DOK6: variants seen among roughly 807,000 people sequenced by gnomAD.
The protein encoded by DOK6 is docking protein 6.
Under a neutral mutation model 44.0 loss-of-function variants are expected in DOK6, and 22 were observed. That is an observed-to-expected ratio of 0.50 (90% CI 0.36 to 0.71). The LOEUF (loss-of-function observed/expected upper bound fraction) is 0.71. DOK6 is among the 30% of genes least tolerant of loss of function. The pLI is 0.00. For missense variants in DOK6, 340 were observed against 416.4 expected (o/e 0.82, Z 1.60); for synonymous variants, 166 against 145.5 (o/e 1.14, Z -1.01).
chr18:69,417,298 A>T (rs1978366294), intron 1 of DOK6, among the ~76,000 whole-genome samples: 1 of 152,070 alleles, frequency 6.6e-6, no homozygotes, highest in African/African-American at 2.4e-5. Context: ...TAGCTCCCAC[A>T]TATTGTGAGA....
intron 1 of DOK6, among the ~76,000 whole-genome samples, chr18:69,434,176 A>G (rs1250975206): frequency 6.6e-6 from 1 of 152,190 alleles, no homozygotes; most frequent in Non-Finnish European, 1.5e-5. Context: ...CAAGGCTGAC[A>G]GTCAGAGTGA....
intron 3 of DOK6, among the ~76,000 whole-genome samples, chr18:69,637,576 T>G (rs1179514820): frequency 2.0e-5 from 3 of 152,204 alleles, no homozygotes; most frequent in Non-Finnish European, 4.4e-5. Flanking sequence ...GGTACATTAG[T>G]GTTCAAAGAA....
intron 3 of DOK6, among the ~76,000 whole-genome samples, chr18:69,599,838 C>T (rs1455761777): frequency 2.0e-5 from 3 of 152,152 alleles, no homozygotes; most frequent in African/African-American, 7.2e-5. Flanking sequence ...TTTTGTAGGG[C>T]AGGAATCAGG....
intron 7 of DOK6, among the ~76,000 whole-genome samples, chr18:69,785,747 T>C (rs747588177): frequency 3.9e-5 from 6 of 152,184 alleles, no homozygotes; most frequent in Non-Finnish European, 8.8e-5. Context: ...TGACATTACG[T>C]TGTCCATTAT....
chr18:69,758,638 G>C (rs1979440017), intron 7 of DOK6, among the ~76,000 whole-genome samples: 1 of 152,098 alleles, frequency 6.6e-6, no homozygotes, highest in Admixed American at 6.5e-5. Context: ...GAGGAAGCAA[G>C]AAACTAGAAA....
intron 1 of DOK6, among the ~76,000 whole-genome samples, chr18:69,486,275 C>A (rs1367502014): frequency 1.3e-5 from 2 of 151,908 alleles, no homozygotes; most frequent in African/African-American, 4.8e-5. Context: ...ATAAACTGAT[C>A]AAGCTGTTGA....
At chr18:69,637,901 C>G (rs1984846059) in intron 3 of DOK6, among the ~76,000 whole-genome samples, 1 of 151,356 alleles carries the variant, frequency 6.6e-6, no homozygotes, top group Admixed American at 6.6e-5. Context: ...TTAATGACTT[C>G]TTATTTCTAT....
intron 1 of DOK6, among the ~76,000 whole-genome samples, chr18:69,434,174 ACAGT>A (rs1039390883): frequency 1.4e-4 from 21 of 152,202 alleles, no homozygotes; most frequent in Admixed American, 5.2e-4. Flanking sequence ...AGCAAGGCTG[ACAGT>A]CAGAGTGATG....
chr18:69,623,795 G>C (rs1252192001), intron 3 of DOK6, among the ~76,000 whole-genome samples: 1 of 152,150 alleles, frequency 6.6e-6, no homozygotes, highest in Non-Finnish European at 1.5e-5. Context: ...ATGAAACAAA[G>C]ACACAGAAAG....
intron 1 of DOK6, among the ~76,000 whole-genome samples, chr18:69,430,184 T>A (rs1394850037): frequency 6.6e-6 from 1 of 152,196 alleles, no homozygotes; most frequent in Non-Finnish European, 1.5e-5. Context: ...AAAGCCATCA[T>A]TTCCAAAAAG....
At chr18:69,693,312 G>GAAA (rs10554189) in intron 4 of DOK6, among the ~76,000 whole-genome samples, 16 of 126,140 alleles carry the variant, frequency 1.3e-4, no homozygotes, top group Admixed American at 1.6e-4. Context: ...CTTCTTTGAA[G>GAAA]AAAAAAAAAA....
At chr18:69,617,328 A>AAAAGAAAGAAAGAAAGAAAG (rs34477258) in intron 3 of DOK6, among the ~76,000 whole-genome samples, 19 of 148,810 alleles carry the variant, frequency 1.3e-4, no homozygotes, top group African/African-American at 4.7e-4. Flanking sequence ...AGAGAGAAAG[A>AAAAGAAAGAAAGAAAGAAAG]AAAGAAAGAA....
At chr18:69,509,825 C>G (rs2144555337) in intron 1 of DOK6, among the ~76,000 whole-genome samples, 1 of 152,176 alleles carries the variant, frequency 6.6e-6, no homozygotes, top group East Asian at 1.9e-4. Context: ...CTAGGGTGAA[C>G]ACAACTAAAT....
chr18:69,420,608 A>G (rs1978463528), intron 1 of DOK6, among the ~76,000 whole-genome samples: 3 of 152,138 alleles, frequency 2.0e-5, no homozygotes, highest in Admixed American at 2.0e-4. Flanking sequence ...CGTCATTTAC[A>G]TTAGGTATAT....
chr18:69,433,239 A>T (rs916830394), intron 1 of DOK6, among the ~76,000 whole-genome samples: 1 of 152,190 alleles, frequency 6.6e-6, no homozygotes, highest in Non-Finnish European at 1.5e-5. Context: ...ATTAGTGCTA[A>T]TTGAACCATT....
At chr18:69,503,405 A>AATCTATT (rs1472410219) in intron 1 of DOK6, among the ~76,000 whole-genome samples, 1 of 152,098 alleles carries the variant, frequency 6.6e-6, no homozygotes, top group Non-Finnish European at 1.5e-5. Flanking sequence ...TGAAAGTGTA[A>AATCTATT]ATCTACCTGA....
intron 1 of DOK6, among the ~76,000 whole-genome samples, chr18:69,423,172 G>C (rs1978542532): frequency 6.6e-6 from 1 of 152,166 alleles, no homozygotes; most frequent in Non-Finnish European, 1.5e-5. Context: ...TCATGGTGGT[G>C]AACACCTGTA....
chr18:69,566,324 G>T lies in DOK6; in HGVS notation c.174+1730G>T, dbSNP rs187424314. Among the ~76,000 whole-genome samples the T allele has an allele frequency of 1.6e-3, 250 of 152,192 alleles. 1 individual carries two copies. Among genetic ancestry groups the T allele is most frequent in the African/African-American group, 5.8e-3 (240 of 41,518 alleles). On this transcript the variant is annotated intron_variant, in intron 2 of 7. Coordinates refer to ENST00000382713, the MANE Select transcript of DOK6 (RefSeq NM_152721.6). Reference sequence around the variant, plus strand: ...GCTAATTTTTTGTGTTTTTAGTAGAGACGGGATTTCACCGTGTTAGCCAGG... The same window carrying T: ...GCTAATTTTTTGTGTTTTTAGTAGATACGGGATTTCACCGTGTTAGCCAGG...
intron 1 of DOK6, among the ~76,000 whole-genome samples, chr18:69,454,747 A>G (rs1173506947): frequency 7.2e-6 from 1 of 139,266 alleles, no homozygotes; most frequent in Non-Finnish European, 1.6e-5. Context: ...TGATGAGTTC[A>G]TGTCCTTTGT....
Sources: gnomAD v4.1 joint callset for allele counts (sites outside exome capture counted in the v4.1 genomes callset) on GRCh38, gnomAD v4.1.1 for gene constraint, MANE v1.5 for transcripts, NCBI Gene and HGNC (gene_info 2026-07-23, HGNC 2026-07-21) for gene names.